The following GHR variants were observed in gnomAD, a reference collection of about 807,000 sequenced individuals.
GHR encodes growth hormone receptor, also known as GH receptor.
In GHR, 35 loss-of-function variants were observed where a neutral mutation model predicts 67.1. That is an observed-to-expected ratio of 0.52 (90% CI 0.40 to 0.69). The LOEUF (loss-of-function observed/expected upper bound fraction) is 0.69. Among genes scored for constraint, GHR ranks in the 30% least tolerant of loss-of-function variants. The probability of loss-of-function intolerance (pLI) is 0.00; values close to 1 mark genes in which losing one functional copy is unlikely to be tolerated. For synonymous variants in GHR, 272 were observed against 269.1 expected, an observed-to-expected ratio of 1.01 and a Z score of -0.10; for missense variants, 792 against 764.6, an observed-to-expected ratio of 1.04 and a Z score of -0.42.
intron 1 of GHR, among the ~76,000 whole-genome samples, chr5:42,555,763 T>C (rs984672401): frequency 6.6e-6 from 1 of 152,276 alleles, no homozygotes; most frequent in South Asian, 2.1e-4. Flanking sequence ...TGTTAGGATG[T>C]AATCGTGAGT....
At chr5:42,592,863 A>G (rs1751863726) in intron 2 of GHR, among the ~76,000 whole-genome samples, 1 of 152,232 alleles carries the variant, frequency 6.6e-6, no homozygotes, top group Admixed American at 6.5e-5. Flanking sequence ...CCTACAAGCA[A>G]TATAAATATT....
intron 1 of GHR, among the ~76,000 whole-genome samples, chr5:42,461,012 T>C (rs1371466427): frequency 1.3e-5 from 2 of 152,216 alleles, no homozygotes; most frequent in African/African-American, 2.4e-5. Flanking sequence ...GCTTTGCAGA[T>C]GAAAAATTGA....
intron 5 of GHR, among the ~76,000 whole-genome samples, chr5:42,697,742 T>G (rs983464457): frequency 2.6e-5 from 4 of 151,964 alleles, no homozygotes; most frequent in Non-Finnish European, 5.9e-5. Context: ...TAGGCAGCCT[T>G]TGGAGGGTTT....
chr5:42,653,807 T>C (rs1406590773), intron 3 of GHR, among the ~76,000 whole-genome samples: 1 of 152,162 alleles, frequency 6.6e-6, no homozygotes, highest in Non-Finnish European at 1.5e-5. Flanking sequence ...CTTGTCGCTG[T>C]TGATGATCCT....
intron 1 of GHR, among the ~76,000 whole-genome samples, chr5:42,428,990 G>C (rs1742974380): frequency 6.6e-6 from 1 of 152,080 alleles, no homozygotes; most frequent in African/African-American, 2.4e-5. Context: ...CAGTTCTAAA[G>C]TTGCTTCCAC....
chr5:42,507,886 A>G (rs1352527956), intron 1 of GHR, among the ~76,000 whole-genome samples: 1 of 152,188 alleles, frequency 6.6e-6, no homozygotes, highest in Admixed American at 6.5e-5. Flanking sequence ...CAAACCCAGT[A>G]GGAAGTTATC....
At position 42,497,018 on chromosome 5, in the gene GHR, CAGGACAT is replaced by C. The variant is rs1252777632; in HGVS notation, c.-11-68845_-11-68839del. Among the ~76,000 whole-genome samples, 32 of 152,300 alleles carry C rather than the reference CAGGACAT, an allele frequency of 2.1e-4. No individual in the cohort carries two copies. In the East Asian group the frequency reaches 6.0e-3, roughly 28 times the overall value. On this transcript the variant is annotated intron_variant, in intron 1 of 9. Transcript: ENST00000230882. Reference sequence around the variant, plus strand: ...AGGAGTGAGGGGCCTTCCATGTTTGCAGGACATCTGTTTGGGCCTTAAGTTCTGCTAC... The same window carrying C: ...AGGAGTGAGGGGCCTTCCATGTTTGCCTGTTTGGGCCTTAAGTTCTGCTAC...
chr5:42,695,147 C>T, intron 5 of GHR, 58 bp downstream of exon 5: 1 of 1,147,060 alleles, frequency 8.7e-7, no homozygotes, highest in South Asian at 1.2e-5. Flanking sequence ...AATGGGGAAG[C>T]CTGCAAGGTC....
chr5:42,593,370 CT>C (rs1436448523), intron 2 of GHR, among the ~76,000 whole-genome samples: 1 of 152,190 alleles, frequency 6.6e-6, no homozygotes, highest in Non-Finnish European at 1.5e-5. Flanking sequence ...TGGAAACTGT[CT>C]CTCAAAAGTT....
intron 2 of GHR, among the ~76,000 whole-genome samples, chr5:42,602,132 ACT>A (rs1009526586): frequency 1.3e-5 from 2 of 152,086 alleles, no homozygotes; most frequent in Non-Finnish European, 2.9e-5. Flanking sequence ...AAATTAACAA[ACT>A]CATCTCCTAC....
intron 4 of GHR, among the ~76,000 whole-genome samples, chr5:42,694,572 A>G (rs1362350577): frequency 6.6e-6 from 1 of 152,168 alleles, no homozygotes; most frequent in Admixed American, 6.5e-5. Context: ...GTACTGTTTT[A>G]ATGAACATTT....
At chr5:42,478,029 A>C (rs1745424248) in intron 1 of GHR, among the ~76,000 whole-genome samples, 1 of 151,982 alleles carries the variant, frequency 6.6e-6, no homozygotes, top group Non-Finnish European at 1.5e-5. Context: ...CTAACATGTA[A>C]GTCTTTAATC....
intron 2 of GHR, among the ~76,000 whole-genome samples, chr5:42,589,278 A>G (rs758637125): frequency 6.6e-6 from 1 of 152,208 alleles, no homozygotes; most frequent in Non-Finnish European, 1.5e-5. Context: ...TTATGCTTTC[A>G]GTGTCTAGGA....
intron 1 of GHR, chr5:42,548,159 G>A: frequency 9.1e-6 from 9 of 984,250 alleles, no homozygotes; most frequent in Non-Finnish European, 1.1e-5. Context: ...AAGGTCAGGG[G>A]ATTTATTATA....
chr5:42,441,754 C>T (rs1476325000), intron 1 of GHR, among the ~76,000 whole-genome samples: 1 of 152,166 alleles, frequency 6.6e-6, no homozygotes, highest in East Asian at 1.9e-4. Context: ...CATGATTCGC[C>T]TGCCTTGGCC....
chr5:42,694,594 C>G (rs1489607971), intron 4 of GHR, among the ~76,000 whole-genome samples: 1 of 152,100 alleles, frequency 6.6e-6, no homozygotes, highest in Non-Finnish European at 1.5e-5. Context: ...TAAAATGTCC[C>G]TAAGTCTCAG....
chr5:42,661,030 A>T (rs1026924584), intron 3 of GHR, among the ~76,000 whole-genome samples: 2 of 152,328 alleles, frequency 1.3e-5, no homozygotes, highest in South Asian at 4.1e-4. Flanking sequence ...GAAATGAATG[A>T]AATGAAGTGA....
At chr5:42,696,347 G>T (rs1757672026) in intron 5 of GHR, among the ~76,000 whole-genome samples, 1 of 152,220 alleles carries the variant, frequency 6.6e-6, no homozygotes, top group Non-Finnish European at 1.5e-5. Context: ...GAGCTGCAAA[G>T]GTGGTGGCCA....
intron 1 of GHR, among the ~76,000 whole-genome samples, chr5:42,443,081 G>C (rs1431666103): frequency 1.3e-5 from 2 of 152,186 alleles, no homozygotes; most frequent in Admixed American, 6.5e-5. Context: ...CACTTGGCAT[G>C]AGGTAATGTC....
Sources: allele counts gnomAD v4.1 joint callset (sites outside exome capture counted in the v4.1 genomes callset), GRCh38; gene constraint gnomAD v4.1.1; transcripts MANE v1.5; gene names NCBI Gene and HGNC (gene_info 2026-07-23, HGNC 2026-07-21).